Variants in UNKL observed in about 807,000 individuals in gnomAD.
The protein encoded by UNKL is unk like zinc finger, also known as putative E3 ubiquitin-protein ligase UNKL.
UNKL carries 60 observed loss-of-function variants against 78.0 expected under a neutral mutation model. The observed-to-expected ratio is 0.77, with a 90% CI of 0.63 to 0.95. The LOEUF (loss-of-function observed/expected upper bound fraction) is 0.95, where lower values mean the gene tolerates loss of function less well. UNKL is among the 40% of genes least tolerant of loss of function. The pLI is 0.00. For synonymous variants in UNKL, 608 were observed against 474.8 expected, an observed-to-expected ratio of 1.28 and a Z score of -3.65; for missense variants, 1,159 against 1,045.7, an observed-to-expected ratio of 1.11 and a Z score of -1.49.
chr16:1,375,865 T>C (rs2036176745), intron 10 of UNKL, among the ~76,000 whole-genome samples: 1 of 152,104 alleles, frequency 6.6e-6, no homozygotes, highest in East Asian at 1.9e-4. Context: ...GCCTGCAGGG[T>C]GGGCCAGCCC....
rs149817308 is a variant in UNKL at position 1,374,213 on chromosome 16, G to C, written c.1265-2602C>G. Among the ~76,000 whole-genome samples, 113 of 152,216 alleles carry C rather than the reference G, an allele frequency of 7.4e-4. 5 individuals carry two copies. Among genetic ancestry groups the C allele is most frequent in the Non-Finnish European group, 1.2e-3 (83 of 67,966 alleles). On this transcript the variant is annotated intron_variant, in intron 10 of 14. Coordinates refer to ENST00000389221, the MANE Select transcript of UNKL (RefSeq NM_001372107.1). ...AGCAGCGTGGGGCACACCACACAGG[G>C]ACTGTTGCGCAGGCGCCCTCCCCGC...
rs201695778 is a variant in UNKL, at chr16:1,367,262, T to C, written c.1876A>G (p.Lys626Glu). Reference sequence around the variant, plus strand: ...TTCACCTGTGCCTCCACCTCCTCCTTCTTCTGCAGCGCCAGCTGCCGGTCG... The same window carrying C: ...TTCACCTGTGCCTCCACCTCCTCCTCCTTCTGCAGCGCCAGCTGCCGGTCG... ...DSDRQLALQKKEEVEAQVKQL... is the reference protein window; with the variant it reads ...DSDRQLALQKEEEVEAQVKQL... The change falls in exon 14 of 15, where the codon AAG (lysine) becomes GAG (glutamate). Residue 626 changes from lysine to glutamate, a missense_variant. Coordinates refer to ENST00000389221, the MANE Select transcript of UNKL (RefSeq NM_001372107.1). The C allele has an allele frequency of 1.3e-4, 198 of 1,583,474 alleles. No homozygotes were observed. The highest frequency in any genetic ancestry group is 1.6e-4 in the East Asian group (7 of 43,284).
Position 1,399,382 on chromosome 16 carries a change from G to C in UNKL, c.726C>G (p.Phe242Leu), listed in dbSNP as rs1218980106. 6.3e-7 allele frequency: 1 copy of C among 1,596,274 alleles called. No homozygotes were observed. The change falls in exon 5 of 15, where the codon TTC becomes TTG. Residue 242 changes from phenylalanine to leucine, a missense_variant. Coordinates refer to ENST00000389221, the MANE Select transcript of UNKL (RefSeq NM_001372107.1). The surrounding 1 kb of genome is among the most constrained non-coding windows in gnomAD (Gnocchi z 5.8). The stretch of plus-strand genomic sequence containing the variant: ...CGGTCCCGCAGGCTCACCTGTACTG[G>C]AACCGCCGGGGGTTGCGCCGCCTGT... ...SRDRRRNPRR[F>L]QYRSTPCPSV... is the part of the protein sequence containing the mutation.
Position 1,369,919 on chromosome 16 carries a change from G to A in UNKL, c.1585+211C>T, listed in dbSNP as rs371838505. On this transcript the variant is annotated intron_variant, in intron 12 of 14. Coordinates refer to ENST00000389221, the MANE Select transcript of UNKL (RefSeq NM_001372107.1). Reference sequence around the variant, plus strand: ...GAACCTGGGAGGCGGAGGTTGCGGCGAGCCGAGATCGTACCATTGCAGTCC... The same window carrying A: ...GAACCTGGGAGGCGGAGGTTGCGGCAAGCCGAGATCGTACCATTGCAGTCC... 172 of 1,539,880 alleles carry A rather than the reference G, an allele frequency of 1.1e-4. 3 individuals carry two copies. The South Asian group carries it at 1.2e-3, about 11-fold the overall frequency.
At chr16:1,398,541 C>G in intron 5 of UNKL, 1 of 1,343,724 alleles carries the variant, frequency 7.4e-7, no homozygotes, top group Middle Eastern at 2.9e-4. Flanking sequence ...CACAGGTGCT[C>G]TCCGGGGCAT....
rs2038166963 is a variant in UNKL, at chr16:1,414,014, G to C, written c.119C>G (p.Ser40Ter). 6.4e-7 allele frequency: 1 copy of C among 1,551,356 alleles called. No individual in the cohort carries two copies. Among genetic ancestry groups the C allele is most frequent in the Non-Finnish European group, 8.7e-7 (1 of 1,147,240 alleles). ...EFRTEQCPLF[S>*]QHKCAQHRPF... The stretch of plus-strand genomic sequence containing the variant: ...CCGGTGCTGCGCGCACTTGTGCTGT[G>C]AAAACAGGGGGCACTGCTCCGTCCT... The change falls in exon 2 of 15, where the codon TCA (serine) becomes TGA (stop). Residue 40 changes from serine (S) to a stop codon, truncating the protein, a stop_gained. Coordinates refer to ENST00000389221, the MANE Select transcript of UNKL (RefSeq NM_001372107.1). LOFTEE classifies it high-confidence loss of function.
At chr16:1,398,842 T>A in intron 5 of UNKL, 1 of 1,565,918 alleles carries the variant, frequency 6.4e-7, no homozygotes, top group Non-Finnish European at 8.7e-7. Context: ...CAGCTGGGGC[T>A]CAGGCGGTGG....
intron 10 of UNKL, chr16:1,379,461 G>C (rs1165728998): frequency 3.9e-5 from 38 of 983,726 alleles, no homozygotes; most frequent in Non-Finnish European, 4.2e-5. Context: ...CCTTCGCCTC[G>C]CTCCGGGCCT....
In UNKL at chr16:1,413,925, C is replaced by G; in HGVS notation, c.208G>C (p.Asp70His). The change falls in exon 2 of 15, where the codon GAC (aspartate) becomes CAC (histidine). Residue 70 changes from aspartate to histidine, a missense_variant. Transcript: ENST00000389221. Reference protein sequence around the residue: ...QRRRRPLRRRDGTFNYSPDVY... With the variant: ...QRRRRPLRRRHGTFNYSPDVY... Reference sequence around the variant, plus strand: ...TCGGGGCTGTAGTTGAAGGTGCCGTCGCGCCTGCGGAGGGGCCTGCGGCGC... The same window carrying G: ...TCGGGGCTGTAGTTGAAGGTGCCGTGGCGCCTGCGGAGGGGCCTGCGGCGC... 6.4e-7 allele frequency: 1 copy of G among 1,558,020 alleles called. No homozygotes were observed. Among genetic ancestry groups the G allele is most frequent in the Non-Finnish European group, 8.7e-7 (1 of 1,151,052 alleles).
chr16:1,411,221 G>A (rs951507455), intron 2 of UNKL, among the ~76,000 whole-genome samples: 2 of 152,096 alleles, frequency 1.3e-5, no homozygotes, highest in African/African-American at 4.8e-5. Flanking sequence ...TTAGCCAGGC[G>A]TGGTGTAGAG....
rs117608138 is a variant in UNKL, at chr16:1,365,829, C to T, written c.*411G>A. 193 of 162,438 alleles carry T rather than the reference C, an allele frequency of 1.2e-3. No individual in the cohort carries two copies. Among genetic ancestry groups the T allele is most frequent in the Non-Finnish European group, 2.0e-3 (149 of 74,964 alleles). 10.1% of individuals were successfully genotyped at this position (162,438 alleles called of 1,614,324 possible). On this transcript the variant is annotated 3_prime_UTR_variant, in exon 15 of 15. Transcript: ENST00000389221. ...GAAAGCAGCTTAGAGCAATTTATAA[C>T]CTCTAACTAAATTCCTCGGTTTACA...
In UNKL at chr16:1,387,042, C is replaced by T. The variant is rs371658656; in HGVS notation, c.1087-1657G>A. Among the ~76,000 whole-genome samples the T allele has an allele frequency of 2.8e-4, 42 of 152,164 alleles. No homozygotes were observed. Among genetic ancestry groups the T allele is most frequent in the African/African-American group, 8.7e-4 (36 of 41,468 alleles). On this transcript the variant is annotated intron_variant, in intron 9 of 14. Transcript: ENST00000389221. This position sits in a 1 kb window ranked among gnomAD's most constrained non-coding sequence, Gnocchi z 4.1. ...CAGTCCACCCCGTGAGCATCAGGGA[C>T]GGCGGTAACTCCTGCACCCTACACC...
At chr16:1,392,257 C>T (rs1257932582) in intron 8 of UNKL, among the ~76,000 whole-genome samples, 1 of 152,184 alleles carries the variant, frequency 6.6e-6, no homozygotes, top group Non-Finnish European at 1.5e-5. Context: ...CAGCTCTCTG[C>T]TTCCTTCCTG....
At chr16:1,411,934 G>A (rs1403853869) in intron 2 of UNKL, 3 of 152,170 alleles carry the variant, frequency 2.0e-5, no homozygotes, top group Non-Finnish European at 4.4e-5. Context: ...CCTAGGCTAA[G>A]CACTGTTGAA....
chr16:1,381,493 A>C (rs576235804), intron 10 of UNKL, among the ~76,000 whole-genome samples: 1 of 152,102 alleles, frequency 6.6e-6, no homozygotes, highest in Admixed American at 6.5e-5. Context: ...GATGGCACAC[A>C]CCTGTAATCC....
chr16:1,413,714 GCGTATAATTACGA>G, intron 2 of UNKL, 119 bp downstream of exon 2: 1 of 1,021,728 alleles, frequency 9.8e-7, no homozygotes, highest in African/African-American at 1.6e-5. Flanking sequence ...GAAAATTTCA[GCGTATAATTACGA>G]CTCCCTCTGC....
intron 10 of UNKL, among the ~76,000 whole-genome samples, chr16:1,372,082 C>A (rs2035894998): frequency 9.2e-6 from 1 of 109,236 alleles, no homozygotes; most frequent in South Asian, 3.5e-4. Flanking sequence ...CGGTGAAACC[C>A]CGTCTCAACC....
chr16:1,410,863 C>T (rs1045462237), intron 2 of UNKL, among the ~76,000 whole-genome samples: 1 of 152,170 alleles, frequency 6.6e-6, no homozygotes, highest in Non-Finnish European at 1.5e-5. Context: ...CTTTCAGAAC[C>T]GCCTTGAAGT....
Position 1,398,682 on chromosome 16 carries a change from C to CT in UNKL, c.734+691_734+692insA. 1.4e-5 allele frequency: 6 copies of CT among 435,874 alleles called. No homozygotes were observed. The South Asian group carries it at 2.1e-4, about 15-fold the overall frequency. The allele number at this position is 435,874 out of a possible 1,614,324, so 27.0% of individuals were successfully genotyped here. A position where few individuals can be genotyped will look rare whatever the true frequency, so the allele number is the denominator to read the frequency against. On this transcript the variant is annotated intron_variant, in intron 5 of 14. Coordinates refer to ENST00000389221, the MANE Select transcript of UNKL (RefSeq NM_001372107.1). ...ATCCAGACACCCTGTGGGGTCTGCA[C>CT]CCCCCCACCCCCCTCTCAGGTGCAA...
Sources: allele counts gnomAD v4.1 joint callset (sites outside exome capture counted in the v4.1 genomes callset), GRCh38; gene constraint gnomAD v4.1.1; non-coding constraint Gnocchi (gnomAD v3.1); transcripts MANE v1.5; gene names NCBI Gene and HGNC (gene_info 2026-07-23, HGNC 2026-07-21).